RALGAPB: variants seen among roughly 807,000 people sequenced by gnomAD.
RALGAPB encodes the protein ral GTPase-activating protein subunit beta.
RALGAPB carries 25 observed loss-of-function variants against 161.1 expected under a neutral mutation model. The observed-to-expected ratio is 0.16, with a 90% CI of 0.11 to 0.22. The LOEUF is 0.22. Among genes scored for constraint, RALGAPB ranks in the 10% least tolerant of loss-of-function variants. The pLI is 1.00. For missense variants in RALGAPB, 1,391 were observed against 1,815.2 expected (o/e 0.77, Z 4.25); for synonymous variants, 629 against 626.1 (o/e 1.00, Z -0.07).
chr20:38,491,953 CT>C (rs968254020), intron 2 of RALGAPB, among the ~76,000 whole-genome samples: 3 of 152,172 alleles, frequency 2.0e-5, no homozygotes, highest in Non-Finnish European at 2.9e-5. Flanking sequence ...AAAGTTTTGT[CT>C]GGAATTCACT....
intron 26 of RALGAPB, chr20:38,569,615 AT>A: frequency 2.8e-6 from 1 of 353,464 alleles, no homozygotes; most frequent in Non-Finnish European, 5.3e-6. Context: ...CTGTGTGTAA[AT>A]TTTGTTTTTA....
intron 6 of RALGAPB, 131 bp from the exon 7 acceptor site, chr20:38,516,061 A>G: frequency 4.5e-6 from 3 of 673,742 alleles, no homozygotes; most frequent in South Asian, 2.7e-5. Context: ...TCGCTGGCCC[A>G]TTAAATACAA....
intron 1 of RALGAPB, among the ~76,000 whole-genome samples, chr20:38,483,332 C>G (rs1032264988): frequency 6.6e-6 from 1 of 152,300 alleles, no homozygotes; most frequent in African/African-American, 2.4e-5. Flanking sequence ...CTTAACCACT[C>G]TCATCTATGT....
chr20:38,479,088 A>G (rs2084889423), intron 1 of RALGAPB, among the ~76,000 whole-genome samples: 1 of 152,184 alleles, frequency 6.6e-6, no homozygotes, highest in Non-Finnish European at 1.5e-5. Context: ...CTGCTGTCGT[A>G]ACTCATCAGT....
At chr20:38,492,053 A>G (rs545597004) in intron 2 of RALGAPB, among the ~76,000 whole-genome samples, 1 of 152,334 alleles carries the variant, frequency 6.6e-6, no homozygotes, top group East Asian at 1.9e-4. Context: ...TATAGCTCAG[A>G]TGATGGTAGA....
chr20:38,500,844 G>C (rs1463687990), intron 5 of RALGAPB, among the ~76,000 whole-genome samples: 1 of 152,142 alleles, frequency 6.6e-6, no homozygotes, highest in African/African-American at 2.4e-5. Context: ...AAGTTTGAGT[G>C]GGCTAGATAG....
intron 5 of RALGAPB, among the ~76,000 whole-genome samples, chr20:38,502,854 C>T (rs1439723452): frequency 6.6e-6 from 1 of 152,216 alleles, no homozygotes; most frequent in Non-Finnish European, 1.5e-5. Flanking sequence ...AGCCGCCCCA[C>T]CTCTGCCTTC....
In RALGAPB at chr20:38,541,030, C is replaced by T. The variant is rs1463559918; in HGVS notation, c.2563-11C>T. On this transcript the variant is annotated splice_polypyrimidine_tract_variant and intron_variant, in intron 17 of 29. Transcript: ENST00000262879. ...GTGTTCTAAAAATTGATCTGCCTTT[C>T]CTGCTTTTAGGACTGCCTTAAGGAA... 2 of 1,612,214 alleles carry T rather than the reference C, an allele frequency of 1.2e-6. No homozygotes were observed. Among genetic ancestry groups the T allele is most frequent in the African/African-American group, 2.7e-5 (2 of 74,880 alleles).
At chr20:38,554,696 C>A (rs1411702176) in intron 22 of RALGAPB, among the ~76,000 whole-genome samples, 2 of 152,092 alleles carry the variant, frequency 1.3e-5, no homozygotes, top group African/African-American at 2.4e-5. Context: ...TGTGTTAACT[C>A]ATAGAAGATA....
intron 20 of RALGAPB, among the ~76,000 whole-genome samples, chr20:38,550,054 A>G (rs1454617462): frequency 1.3e-5 from 2 of 152,140 alleles, no homozygotes; most frequent in Non-Finnish European, 2.9e-5. Flanking sequence ...ACAAAAAACC[A>G]AACACCGCAT....
intron 13 of RALGAPB, among the ~76,000 whole-genome samples, chr20:38,530,846 C>T (rs1286677798): frequency 6.6e-6 from 1 of 151,498 alleles, no homozygotes; most frequent in Admixed American, 6.6e-5. Context: ...CCACTTCGGC[C>T]ACCCAAAGTG....
intron 9 of RALGAPB, among the ~76,000 whole-genome samples, chr20:38,521,232 T>A (rs1189899503): frequency 6.6e-6 from 1 of 152,226 alleles, no homozygotes; most frequent in Non-Finnish European, 1.5e-5. Context: ...ACAAATGTAC[T>A]CTGCTGATCA....
At chr20:38,529,562 G>A (rs942872276) in intron 13 of RALGAPB, among the ~76,000 whole-genome samples, 2 of 151,406 alleles carry the variant, frequency 1.3e-5, no homozygotes, top group Non-Finnish European at 2.9e-5. Flanking sequence ...CTTGGGCGTG[G>A]TGGCTCATGC....
At chr20:38,489,758 A>C (rs531628906) in intron 2 of RALGAPB, among the ~76,000 whole-genome samples, 63 of 152,312 alleles carry the variant, frequency 4.1e-4, no homozygotes, top group African/African-American at 1.4e-3. Flanking sequence ...ATCCTCCTTC[A>C]GCCATGGGTC....
intron 22 of RALGAPB, among the ~76,000 whole-genome samples, chr20:38,554,450 C>A (rs1177649113): frequency 2.0e-5 from 3 of 152,160 alleles, no homozygotes; most frequent in Non-Finnish European, 2.9e-5. Flanking sequence ...CTACAATTAA[C>A]TTTGCTCTTT....
intron 1 of RALGAPB, among the ~76,000 whole-genome samples, chr20:38,474,330 C>T (rs927055717): frequency 1.3e-5 from 2 of 152,094 alleles, no homozygotes; most frequent in Admixed American, 1.3e-4. Context: ...TGCTCTGTTG[C>T]CCAGGCTGGA....
intron 6 of RALGAPB, among the ~76,000 whole-genome samples, chr20:38,511,365 G>A (rs1346653698): frequency 6.7e-6 from 1 of 149,118 alleles, no homozygotes; most frequent in East Asian, 2.0e-4. Context: ...GATCATTCTT[G>A]GGTGTTTCTC....
At chr20:38,499,819 A>G (rs1473748087) in intron 5 of RALGAPB, 186 bp downstream of exon 5, 5 of 433,330 alleles carry the variant, frequency 1.2e-5, no homozygotes, top group Non-Finnish European at 1.9e-5. Context: ...TTTCAGAATA[A>G]TCAAGTATTC....
In RALGAPB at chr20:38,577,949, G is replaced by A. The variant is rs2088498207; in HGVS notation, c.*2982G>A. ...ACTCTGCAGACTGGGTTCTAGAGAG[G>A]CAGAGTCTTTAAGAGTATTCATTTC... On this transcript the variant is annotated 3_prime_UTR_variant, in exon 30 of 30. Transcript: ENST00000262879. 6.6e-6 allele frequency: 1 copy of A among 152,170 alleles called. No individual in the cohort carries two copies. The highest frequency in any genetic ancestry group is 2.4e-5 in the African/African-American group (1 of 41,432). 9.4% of individuals were successfully genotyped at this position (152,170 alleles called of 1,614,324 possible). A position where few individuals can be genotyped will look rare whatever the true frequency, so the allele number is the denominator to read the frequency against.
Sources: allele counts gnomAD v4.1 joint callset (sites outside exome capture counted in the v4.1 genomes callset), GRCh38; gene constraint gnomAD v4.1.1; transcripts MANE v1.5; gene names NCBI Gene and HGNC (gene_info 2026-07-23, HGNC 2026-07-21).